Variants in TLK2 observed in about 807,000 individuals in gnomAD.
TLK2 encodes serine/threonine-protein kinase tousled-like 2.
Under a neutral mutation model 117.3 loss-of-function variants are expected in TLK2, and 6 were observed. The observed-to-expected ratio is 0.05, with a 90% CI of 0.03 to 0.10. The LOEUF (loss-of-function observed/expected upper bound fraction) is 0.10. Among genes scored for constraint, TLK2 ranks in the 10% least tolerant of loss-of-function variants. The pLI is 1.00. For synonymous variants in TLK2, 257 were observed against 316.7 expected, an observed-to-expected ratio of 0.81 and a Z score of 2.00; for missense variants, 299 against 901.2, an observed-to-expected ratio of 0.33 and a Z score of 8.56.
At position 62,505,524 on chromosome 17, in the gene TLK2, A is replaced by G. The variant is rs2074610439; in HGVS notation, c.82-15249A>G. On this transcript the variant is annotated intron_variant, in intron 2 of 21. Coordinates refer to ENST00000346027, the MANE Select transcript of TLK2 (RefSeq NM_006852.6). ...CGCCTTAGACTCCCAAACTGTTGGG[A>G]TTACAGGCATGAGCCACCACATGCA... Among the ~76,000 whole-genome samples, 3 of 145,020 alleles carry G rather than the reference A, an allele frequency of 2.1e-5. No individual in the cohort carries two copies. The South Asian group carries it at 6.7e-4, about 32-fold the overall frequency.
Position 62,586,170 on chromosome 17 carries a change from G to A in TLK2, c.1404G>A (p.Val468=). Residue 468 remains valine, a synonymous_variant, in exon 16 of 22, where the codon GTG becomes GTA. Coordinates refer to ENST00000346027, the MANE Select transcript of TLK2 (RefSeq NM_006852.6). ...TAACAGAGCAAAGATACGTAGCTGT[G>A]AAAATTCACCAGTTAAATAAAAACT... ...FDLTEQRYVA[V]KIHQLNKNWR... is the part of the protein sequence containing the mutation. 6.2e-7 allele frequency: 1 copy of A among 1,613,784 alleles called. No individual in the cohort carries two copies. The highest frequency in any genetic ancestry group is 8.5e-7 in the Non-Finnish European group (1 of 1,179,846).
chr17:62,523,537 C>T (rs1355414464), intron 5 of TLK2, among the ~76,000 whole-genome samples: 1 of 152,198 alleles, frequency 6.6e-6, no homozygotes, highest in Non-Finnish European at 1.5e-5. Context: ...CCATGATCTA[C>T]TGCACTCCAG....
intron 15 of TLK2, 51 bp from the exon 16 acceptor site, chr17:62,586,084 C>A: frequency 7.3e-7 from 1 of 1,369,102 alleles, no homozygotes; most frequent in Non-Finnish European, 1.0e-6. Context: ...ACATCAGTTA[C>A]CTGTAATTTT....
Position 62,536,171 on chromosome 17 carries a change from G to A in TLK2, c.365G>A (p.Arg122Gln). ...GTGTGTTTCTTTACTGTTTTCCAGC[G>A]ACGAGTAGAACAGCCCCTCTATGGT... is the stretch of plus-strand genomic sequence containing the variant. ...PQHSLSNPLPRRVEQPLYGLD... is the reference protein window; with the variant it reads ...PQHSLSNPLPQRVEQPLYGLD... The change falls in exon 7 of 22, where the codon CGA becomes CAA. Residue 122 changes from arginine (R) to glutamine (Q), a missense_variant and splice_region_variant. Physicochemically the swap from Arg to Gln is conservative, Grantham distance 43. Coordinates refer to ENST00000346027, the MANE Select transcript of TLK2 (RefSeq NM_006852.6). 4 of 1,609,336 alleles carry A rather than the reference G, an allele frequency of 2.5e-6. No homozygotes were observed. Among genetic ancestry groups the A allele is most frequent in the East Asian group, 4.5e-5 (2 of 44,730 alleles).
chr17:62,549,576 A>G (rs1199462889), intron 7 of TLK2: 2 of 151,686 alleles, frequency 1.3e-5, no homozygotes, highest in Admixed American at 1.3e-4. Context: ...TTAGTAAGGA[A>G]AGATTGGATT....
intron 7 of TLK2, among the ~76,000 whole-genome samples, chr17:62,541,472 T>C (rs2077528241): frequency 6.6e-6 from 1 of 152,194 alleles, no homozygotes; most frequent in African/African-American, 2.4e-5. Flanking sequence ...GCAAAAGAAG[T>C]GAGGTAGCTG....
chr17:62,598,309 T>C (rs940681297), intron 17 of TLK2, among the ~76,000 whole-genome samples: 1 of 152,206 alleles, frequency 6.6e-6, no homozygotes, highest in Non-Finnish European at 1.5e-5. Context: ...GCTCAAATTA[T>C]CTGCTGTTTT....
intron 2 of TLK2, among the ~76,000 whole-genome samples, chr17:62,491,482 C>T (rs1451011660): frequency 2.0e-5 from 3 of 152,122 alleles, no homozygotes; most frequent in Non-Finnish European, 4.4e-5. Flanking sequence ...TGTTAGGTTC[C>T]TCCTGGTGGT....
chr17:62,591,574 G>A (rs1346146342), intron 16 of TLK2, among the ~76,000 whole-genome samples: 1 of 152,170 alleles, frequency 6.6e-6, no homozygotes, highest in Non-Finnish European at 1.5e-5. Context: ...CTCAGTGCTG[G>A]CAAGTCGTTT....
chr17:62,583,798 C>A (rs1006060582), intron 15 of TLK2, among the ~76,000 whole-genome samples: 1 of 151,692 alleles, frequency 6.6e-6, no homozygotes, highest in Non-Finnish European at 1.5e-5. Context: ...AGGCTGGTTT[C>A]AAATTCCTGA....
At chr17:62,546,774 G>A (rs2077981441) in intron 7 of TLK2, among the ~76,000 whole-genome samples, 1 of 151,600 alleles carries the variant, frequency 6.6e-6, no homozygotes. Flanking sequence ...TGGCCAGGCT[G>A]GTCTCGAACT....
intron 11 of TLK2, among the ~76,000 whole-genome samples, chr17:62,569,480 G>T (rs2146536787): frequency 7.1e-6 from 1 of 140,192 alleles, no homozygotes; most frequent in African/African-American, 2.7e-5. Context: ...CTGTTGCCCA[G>T]GCTGGAGTGC....
intron 2 of TLK2, among the ~76,000 whole-genome samples, chr17:62,504,956 T>C (rs563958966): frequency 6.6e-6 from 1 of 152,214 alleles, no homozygotes; most frequent in Non-Finnish European, 1.5e-5. Context: ...TGATTCTTCT[T>C]CCTTAACCAC....
At chr17:62,578,931 G>A (rs973058145) in intron 14 of TLK2, among the ~76,000 whole-genome samples, 11 of 152,172 alleles carry the variant, frequency 7.2e-5, no homozygotes, top group Admixed American at 6.5e-4. Context: ...ACAGTGTGGT[G>A]TTGTGGAAAG....
intron 16 of TLK2, among the ~76,000 whole-genome samples, chr17:62,595,878 A>T (rs907348651): frequency 1.3e-5 from 2 of 152,132 alleles, no homozygotes; most frequent in Middle Eastern, 3.2e-3. Context: ...GACCCCTTTG[A>T]TGTTACCCGA....
chr17:62,559,080 C>A (rs1404615989), intron 9 of TLK2, among the ~76,000 whole-genome samples: 1 of 152,078 alleles, frequency 6.6e-6, no homozygotes, highest in East Asian at 1.9e-4. Context: ...GTGGTTCTTT[C>A]CTTCTCTGTT....
In TLK2 at chr17:62,522,222, A is replaced by G; in HGVS notation, c.172A>G (p.Asn58Asp). 1 of 1,613,658 alleles carries G rather than the reference A, an allele frequency of 6.2e-7. No homozygotes were observed. The highest frequency in any genetic ancestry group is 8.5e-7 in the Non-Finnish European group (1 of 1,179,844). The stretch of plus-strand genomic sequence containing the variant: ...TTGACAGACTCCCGAGAAAAAGCAG[A>G]ATGACCAGCGAAATCGGAAAAGAAA... ...KEVETPEKKQ[N>D]DQRNRKRKAE... The change falls in exon 4 of 22, where the codon AAT becomes GAT. Residue 58 changes from asparagine (N) to aspartate (D), a missense_variant. Asn to Asp is a conservative substitution (Grantham distance 23). Transcript: ENST00000346027.
At chr17:62,546,260 G>T (rs539576765) in intron 7 of TLK2, among the ~76,000 whole-genome samples, 1 of 151,324 alleles carries the variant, frequency 6.6e-6, no homozygotes, top group South Asian at 2.1e-4. Context: ...CTATCAGCTC[G>T]CTTTGGCTTC....
At chr17:62,489,351 C>A (rs1444763054) in intron 2 of TLK2, among the ~76,000 whole-genome samples, 1 of 151,920 alleles carries the variant, frequency 6.6e-6, no homozygotes, top group African/African-American at 2.4e-5. Flanking sequence ...AAGGCACGTG[C>A]CACCATGCCC....
Sources: allele counts gnomAD v4.1 joint callset (sites outside exome capture counted in the v4.1 genomes callset), GRCh38; gene constraint gnomAD v4.1.1; transcripts MANE v1.5; gene names NCBI Gene and HGNC (gene_info 2026-07-23, HGNC 2026-07-21).